The following PDYN variants were observed in gnomAD, a reference collection of about 807,000 sequenced individuals.
The protein encoded by PDYN is prodynorphin.
A neutral mutation model predicts 11.4 loss-of-function variants in PDYN; 5 were observed. The observed-to-expected ratio is 0.44, with a 90% CI of 0.23 to 0.92. The LOEUF is 0.92. Ranked by LOEUF, PDYN falls within the 40% of genes least tolerant of loss-of-function variation. PDYN has a pLI of 0.24. For missense variants in PDYN, 337 were observed against 317.3 expected (o/e 1.06, Z -0.47); for synonymous variants, 132 against 129.5 (o/e 1.02, Z -0.13).
intron 2 of PDYN, among the ~76,000 whole-genome samples, chr20:1,985,006 G>T (rs540234027): frequency 3.9e-4 from 60 of 152,236 alleles, no homozygotes; most frequent in African/African-American, 1.2e-3. Flanking sequence ...CTTTCAACTG[G>T]ATCCTCTAAG....
In PDYN at chr20:1,983,709, C is replaced by T. The variant is rs544507929; in HGVS notation, c.-19-606G>A. Among the ~76,000 whole-genome samples, 91 of 152,286 alleles carry T rather than the reference C, an allele frequency of 6.0e-4. 2 individuals are homozygous for T. The South Asian group carries it at 0.015, about 26-fold the overall frequency. On this transcript the variant is annotated intron_variant, in intron 2 of 3. Coordinates refer to ENST00000217305, the MANE Select transcript of PDYN (RefSeq NM_024411.5). ...CCCTGCCTGCCTCCAGTTCCTTCTCCGATTCCTCCTTCCTACCCTGAAATG... is the reference window on the plus strand; with the variant it reads ...CCCTGCCTGCCTCCAGTTCCTTCTCTGATTCCTCCTTCCTACCCTGAAATG...
At chr20:1,990,338 C>T (rs936518152) in intron 2 of PDYN, among the ~76,000 whole-genome samples, 2 of 152,196 alleles carry the variant, frequency 1.3e-5, no homozygotes. Flanking sequence ...CTCTCACATT[C>T]CTGACGTTGA....
chr20:1,988,545 C>T (rs1029169744), intron 2 of PDYN, among the ~76,000 whole-genome samples: 1 of 152,092 alleles, frequency 6.6e-6, no homozygotes, highest in Non-Finnish European at 1.5e-5. Context: ...AGGAACTTTG[C>T]CGATCATCGG....
chr20:1,991,280 G>A (rs1454946540), intron 2 of PDYN, among the ~76,000 whole-genome samples: 1 of 152,156 alleles, frequency 6.6e-6, no homozygotes, highest in Non-Finnish European at 1.5e-5. Flanking sequence ...GGACCAAATG[G>A]CAGTTCAAGC....
chr20:1,982,478 A>G (rs888273052), intron 3 of PDYN, among the ~76,000 whole-genome samples: 2 of 152,104 alleles, frequency 1.3e-5, no homozygotes, highest in Non-Finnish European at 2.9e-5. Flanking sequence ...CTCAAAGGAA[A>G]GCCGACAAGG....
At chr20:1,984,898 C>CA (rs911365141) in intron 2 of PDYN, among the ~76,000 whole-genome samples, 83 of 143,812 alleles carry the variant, frequency 5.8e-4, no homozygotes, top group African/African-American at 1.6e-3. Flanking sequence ...GACTCCATCT[C>CA]AAAAAAAAAA....
At position 1,985,212 on chromosome 20, in the gene PDYN, T is replaced by C. The variant is rs1037475384; in HGVS notation, c.-19-2109A>G. On this transcript the variant is annotated intron_variant, in intron 2 of 3. Transcript: ENST00000217305. ...CCACGGGCCCCAGAACCCCACGCTG[T>C]AGCCAGAGCAGGGTCTCCCCGTTAA... Among the ~76,000 whole-genome samples the C allele has an allele frequency of 5.9e-5, 9 of 152,246 alleles. No individual in the cohort carries two copies. The East Asian group carries it at 7.7e-4, about 13-fold the overall frequency.
intron 1 of PDYN, among the ~76,000 whole-genome samples, chr20:1,992,943 A>T (rs762773521): frequency 9.2e-5 from 14 of 152,096 alleles, no homozygotes; most frequent in Non-Finnish European, 1.9e-4. Context: ...CCCTGGGAAG[A>T]CTGGAGACTT....
At chr20:1,984,535 G>A (rs78851130) in intron 2 of PDYN, among the ~76,000 whole-genome samples, 29 of 152,178 alleles carry the variant, frequency 1.9e-4, no homozygotes, top group Middle Eastern at 3.4e-3. Context: ...CTAAAACCCC[G>A]GCCAGCACAT....
At position 1,983,059 on chromosome 20, in the gene PDYN, G is replaced by T. The variant is rs1165705234; in HGVS notation, c.26C>A (p.Ala9Asp). 6.2e-7 allele frequency: 1 copy of T among 1,613,380 alleles called. No individual in the cohort carries two copies. The highest frequency in any genetic ancestry group is 1.7e-5 in the Admixed American group (1 of 60,018). Residue 9 changes from alanine (A) to aspartate (D), a missense_variant, in exon 3 of 4, where the codon GCT becomes GAT. Ala to Asp is a moderately radical substitution (Grantham distance 126). Transcript: ENST00000217305. ...GGAGGGGAACATGAGGAGGCAGGCAGCCAGGACCAGCCCCTGCCAGGCCAT... is the reference window on the plus strand; with the variant it reads ...GGAGGGGAACATGAGGAGGCAGGCATCCAGGACCAGCCCCTGCCAGGCCAT... MAWQGLVLAACLLMFPSTT... is the reference protein window; with the variant it reads MAWQGLVLDACLLMFPSTT...
rs376429704 is a variant in PDYN, at chr20:1,981,002, A to G, written c.130-44T>C. 8.1e-5 allele frequency: 130 copies of G among 1,608,660 alleles called. No homozygotes were observed. In the African/African-American group the frequency reaches 1.5e-3, roughly 18 times the overall value. ...GACCACAGTGGCAAATGATCAAAAC[A>G]CATGCACTGGTCTGCCCCAGGCTCC... On this transcript the variant is annotated intron_variant, in intron 3 of 3. Coordinates refer to ENST00000217305, the MANE Select transcript of PDYN (RefSeq NM_024411.5).
intron 2 of PDYN, among the ~76,000 whole-genome samples, chr20:1,989,940 G>T (rs1988361406): frequency 6.6e-6 from 1 of 152,158 alleles, no homozygotes; most frequent in African/African-American, 2.4e-5. Context: ...CTACGGGGCA[G>T]GGGCTAATAT....
At chr20:1,991,694 G>T (rs1568546184) in intron 2 of PDYN, among the ~76,000 whole-genome samples, 2 of 152,206 alleles carry the variant, frequency 1.3e-5, no homozygotes, top group African/African-American at 4.8e-5. Context: ...ACCACACTTT[G>T]TCAGGCATGC....
chr20:1,992,345 G>A (rs905121308), intron 2 of PDYN, among the ~76,000 whole-genome samples: 1 of 152,148 alleles, frequency 6.6e-6, no homozygotes, highest in African/African-American at 2.4e-5. Context: ...CTCCTTCCAC[G>A]TGTTTTAAGA....
At chr20:1,982,552 T>G (rs1987887549) in intron 3 of PDYN, among the ~76,000 whole-genome samples, 1 of 152,102 alleles carries the variant, frequency 6.6e-6, no homozygotes, top group Non-Finnish European at 1.5e-5. Flanking sequence ...GCCAGATCTT[T>G]GCATTTAGGG....
In PDYN at chr20:1,979,020, A is replaced by C. The variant is rs1168863895; in HGVS notation, c.*1303T>G. ...TCCAGCCTCATCTCCTGGACCCACA[A>C]ACCAAAAGAGAGTGCCTGGGAATGA... On this transcript the variant is annotated 3_prime_UTR_variant, in exon 4 of 4. Coordinates refer to ENST00000217305, the MANE Select transcript of PDYN (RefSeq NM_024411.5). 2.0e-5 allele frequency: 3 copies of C among 152,114 alleles called. No individual in the cohort carries two copies. Among genetic ancestry groups the C allele is most frequent in the African/African-American group, 7.2e-5 (3 of 41,410 alleles). 9.4% of individuals were successfully genotyped at this position (152,114 alleles called of 1,614,324 possible).
intron 3 of PDYN, among the ~76,000 whole-genome samples, chr20:1,982,429 C>A (rs976936320): frequency 2.2e-4 from 33 of 152,082 alleles, no homozygotes; most frequent in Admixed American, 2.0e-4. Context: ...CTATTCCAGC[C>A]TTTCTGCTGT....
intron 2 of PDYN, among the ~76,000 whole-genome samples, chr20:1,990,989 CA>C (rs1301158889): frequency 1.5e-5 from 2 of 133,054 alleles, no homozygotes; most frequent in Non-Finnish European, 3.2e-5. Flanking sequence ...GGGGAGAGGA[CA>C]AATGGGAATA....
chr20:1,983,045 TGAG>T lies in PDYN; in HGVS notation c.37_39del (p.Leu13del). ...CAGTCCGCTGTGGTGGAGGGGAACATGAGGAGGCAGGCAGCCAGGACCAGCCCC... is the reference window on the plus strand; with the variant it reads ...CAGTCCGCTGTGGTGGAGGGGAACATGAGGCAGGCAGCCAGGACCAGCCCC... On this transcript the variant is annotated inframe_deletion, in exon 3 of 4. Coordinates refer to ENST00000217305, the MANE Select transcript of PDYN (RefSeq NM_024411.5). 1 of 1,613,800 alleles carries T rather than the reference TGAG, an allele frequency of 6.2e-7. No individual in the cohort carries two copies.
Sources: allele counts gnomAD v4.1 joint callset (sites outside exome capture counted in the v4.1 genomes callset), GRCh38; gene constraint gnomAD v4.1.1; transcripts MANE v1.5; gene names NCBI Gene and HGNC (gene_info 2026-07-23, HGNC 2026-07-21).